The following MAGI2 variants were observed in gnomAD, a reference collection of about 807,000 sequenced individuals.
MAGI2 encodes the protein membrane associated guanylate kinase, WW and PDZ domain containing 2.
Under a neutral mutation model 133.3 loss-of-function variants are expected in MAGI2, and 35 were observed. The ratio of observed to expected loss-of-function variants is 0.26; its 90% CI spans 0.20 to 0.35. The LOEUF (loss-of-function observed/expected upper bound fraction) is 0.35. Among genes scored for constraint, MAGI2 ranks in the 10% least tolerant of loss-of-function variants. The pLI is 1.00. For missense variants in MAGI2, 1,636 were observed against 1,863.4 expected, an observed-to-expected ratio of 0.88 and a Z score of 2.25; for synonymous variants, 729 against 710.6, an observed-to-expected ratio of 1.03 and a Z score of -0.41.
intron 21 of MAGI2, among the ~76,000 whole-genome samples, chr7:78,061,414 ACACACAC>A (rs1813250937): frequency 7.1e-4 from 8 of 11,216 alleles, no homozygotes; most frequent in African/African-American, 1.8e-3. Flanking sequence ...GGTTGTACAC[ACACACAC>A]ACACACACAC....
intron 3 of MAGI2, among the ~76,000 whole-genome samples, chr7:78,531,035 T>C (rs1797423129): frequency 6.6e-6 from 1 of 151,676 alleles, no homozygotes; most frequent in South Asian, 2.1e-4. Context: ...CCTGGGAGGG[T>C]AGATATGATG....
intron 21 of MAGI2, among the ~76,000 whole-genome samples, chr7:78,076,746 T>G (rs1815352079): frequency 1.4e-5 from 2 of 144,362 alleles, no homozygotes. Context: ...CTGGGGAGGC[T>G]GAGGCAGGAG....
At chr7:78,174,025 A>C (rs1399028699) in intron 14 of MAGI2, among the ~76,000 whole-genome samples, 1 of 152,228 alleles carries the variant, frequency 6.6e-6, no homozygotes, top group African/African-American at 2.4e-5. Context: ...CCAGGACGCT[A>C]TCTCTGTTTC....
chr7:78,577,184 C>G (rs975039333), intron 3 of MAGI2, among the ~76,000 whole-genome samples: 1 of 151,678 alleles, frequency 6.6e-6, no homozygotes, highest in Non-Finnish European at 1.5e-5. Context: ...AATATACAGG[C>G]AAAACTTAAA....
intron 20 of MAGI2, among the ~76,000 whole-genome samples, chr7:78,104,813 T>C (rs1318372192): frequency 6.6e-6 from 1 of 152,178 alleles, no homozygotes; most frequent in East Asian, 1.9e-4. Context: ...GATGAAGTGC[T>C]CCCTCATCAG....
chr7:79,281,678 T>C (rs1835652117), intron 1 of MAGI2, among the ~76,000 whole-genome samples: 1 of 152,174 alleles, frequency 6.6e-6, no homozygotes, highest in Admixed American at 6.6e-5. Context: ...AATGAAGTTA[T>C]GGAAAAAGTA....
At chr7:78,998,913 G>A (rs776373811) in intron 2 of MAGI2, among the ~76,000 whole-genome samples, 35 of 152,104 alleles carry the variant, frequency 2.3e-4, no homozygotes, top group Non-Finnish European at 3.7e-4. Context: ...ACCTTCTTAC[G>A]TCCAGCAAGG....
At chr7:78,713,989 C>G (rs1345767891) in intron 2 of MAGI2, among the ~76,000 whole-genome samples, 1 of 139,118 alleles carries the variant, frequency 7.2e-6, no homozygotes, top group African/African-American at 2.6e-5. Context: ...AACTCTGTTA[C>G]TGCCACATTC....
intron 15 of MAGI2, among the ~76,000 whole-genome samples, chr7:78,164,227 C>A (rs1825394706): frequency 6.6e-6 from 1 of 152,100 alleles, no homozygotes; most frequent in South Asian, 2.1e-4. Context: ...ACCATATAGA[C>A]CTTGCCTGCT....
At chr7:78,325,776 G>A (rs1277019291) in intron 9 of MAGI2, among the ~76,000 whole-genome samples, 2 of 152,240 alleles carry the variant, frequency 1.3e-5, no homozygotes, top group African/African-American at 2.4e-5. Flanking sequence ...CACAGGGCAA[G>A]GGAGCCCATT....
intron 1 of MAGI2, among the ~76,000 whole-genome samples, chr7:79,341,022 G>T (rs1025628313): frequency 5.9e-5 from 9 of 152,054 alleles, no homozygotes; most frequent in African/African-American, 1.9e-4. Flanking sequence ...ATCAACTATA[G>T]CCAGTGAACT....
At chr7:78,187,604 G>A (rs1395700853) in intron 12 of MAGI2, among the ~76,000 whole-genome samples, 1 of 152,170 alleles carries the variant, frequency 6.6e-6, no homozygotes, top group Non-Finnish European at 1.5e-5. Context: ...GGCTCATGGA[G>A]AGCATAACAA....
At chr7:78,919,707 C>T (rs1212871201) in intron 2 of MAGI2, among the ~76,000 whole-genome samples, 2 of 152,012 alleles carry the variant, frequency 1.3e-5, no homozygotes, top group African/African-American at 4.8e-5. Flanking sequence ...AATTACTAGG[C>T]AGAGGTTTTG....
chr7:78,165,490 C>T (rs566525855), intron 15 of MAGI2, among the ~76,000 whole-genome samples: 1 of 152,140 alleles, frequency 6.6e-6, no homozygotes, highest in Non-Finnish European at 1.5e-5. Context: ...AAAGCCAGTG[C>T]CCTCTGTCTT....
chr7:78,441,821 G>A (rs544979227), intron 6 of MAGI2, among the ~76,000 whole-genome samples: 12 of 152,122 alleles, frequency 7.9e-5, no homozygotes, highest in African/African-American at 1.7e-4. Context: ...TAACATTTCC[G>A]GTTAGATATA....
At chr7:78,238,226 C>T (rs1330303383) in intron 10 of MAGI2, among the ~76,000 whole-genome samples, 1 of 152,020 alleles carries the variant, frequency 6.6e-6, no homozygotes, top group Admixed American at 6.6e-5. Context: ...TATTCAGTCC[C>T]CAGCTTTAGG....
intron 2 of MAGI2, among the ~76,000 whole-genome samples, chr7:78,844,176 A>G (rs1792388116): frequency 6.6e-6 from 1 of 151,562 alleles, no homozygotes; most frequent in Non-Finnish European, 1.5e-5. Context: ...CAAAAGAGCA[A>G]TAGCTTCCCT....
At chr7:79,055,790 T>G (rs1468055973) in intron 1 of MAGI2, among the ~76,000 whole-genome samples, 2 of 152,238 alleles carry the variant, frequency 1.3e-5, no homozygotes, top group Admixed American at 6.5e-5. Flanking sequence ...TTACGTCCAC[T>G]ACATATTCTT....
intron 1 of MAGI2, chr7:79,124,791 A>T (rs7793056): frequency 6.0e-4 from 98 of 162,368 alleles, no homozygotes; most frequent in Non-Finnish European, 5.4e-4. Flanking sequence ...GGGTTGGGGG[A>T]GTTGAGCTTT....
Sources: gnomAD v4.1 joint callset for allele counts (sites outside exome capture counted in the v4.1 genomes callset) on GRCh38, gnomAD v4.1.1 for gene constraint, MANE v1.5 for transcripts, NCBI Gene and HGNC (gene_info 2026-07-23, HGNC 2026-07-21) for gene names.